The following CBLB variants were observed in gnomAD, a reference collection of about 807,000 sequenced individuals.
The protein encoded by CBLB is E3 ubiquitin-protein ligase CBL-B.
Under a neutral mutation model 104.9 loss-of-function variants are expected in CBLB, and 31 were observed. The observed-to-expected ratio is 0.30, with a 90% confidence interval of 0.22 to 0.40. CBLB has a LOEUF of 0.40. CBLB is among the 10% of genes least tolerant of loss of function. CBLB has a pLI of 1.00. For missense variants in CBLB, 1,062 were observed against 1,214.6 expected, an observed-to-expected ratio of 0.87 and a Z score of 1.87; for synonymous variants, 440 against 422.6, an observed-to-expected ratio of 1.04 and a Z score of -0.51.
chr3:105,803,348 T>C (rs540166473), intron 3 of CBLB, among the ~76,000 whole-genome samples: 12 of 152,338 alleles, frequency 7.9e-5, no homozygotes, highest in South Asian at 2.1e-4. Flanking sequence ...TATCTTTGTA[T>C]GGCGGCTTGC....
intron 3 of CBLB, among the ~76,000 whole-genome samples, chr3:105,824,822 GAGA>G (rs1414082157): frequency 2.0e-5 from 3 of 152,150 alleles, no homozygotes; most frequent in Middle Eastern, 3.4e-3. Context: ...TCCAGCCACT[GAGA>G]AGGAGACCTC....
At chr3:105,821,002 G>A (rs1248085555) in intron 3 of CBLB, among the ~76,000 whole-genome samples, 1 of 152,010 alleles carries the variant, frequency 6.6e-6, no homozygotes, top group Non-Finnish European at 1.5e-5. Flanking sequence ...TTGAAGGTAG[G>A]ATATAAAGTG....
chr3:105,695,808 C>T (rs971490651), intron 12 of CBLB, among the ~76,000 whole-genome samples: 3 of 151,678 alleles, frequency 2.0e-5, no homozygotes, highest in African/African-American at 7.2e-5. Flanking sequence ...AGAATTTAGG[C>T]CACACTGGGC....
At chr3:105,765,085 G>A (rs2078070716) in intron 4 of CBLB, among the ~76,000 whole-genome samples, 1 of 152,184 alleles carries the variant, frequency 6.6e-6, no homozygotes, top group Non-Finnish European at 1.5e-5. Context: ...TGATGTAGAA[G>A]CAACAAGTTA....
At chr3:105,710,965 C>A (rs1238758399) in intron 10 of CBLB, among the ~76,000 whole-genome samples, 1 of 151,944 alleles carries the variant, frequency 6.6e-6, no homozygotes, top group African/African-American at 2.4e-5. Context: ...TCAGCAATTA[C>A]CAATAATAAT....
chr3:105,790,991 G>A (rs113697878), intron 3 of CBLB, among the ~76,000 whole-genome samples: 4 of 152,302 alleles, frequency 2.6e-5, no homozygotes, highest in African/African-American at 7.2e-5. Context: ...AGGGAGAACT[G>A]CATGAGTGGG....
chr3:105,848,261 C>A (rs928633505), intron 3 of CBLB, among the ~76,000 whole-genome samples: 11 of 152,070 alleles, frequency 7.2e-5, no homozygotes, highest in African/African-American at 2.4e-4. Context: ...TCGGGGGAGG[C>A]ATGCAGCCTG....
intron 2 of CBLB, among the ~76,000 whole-genome samples, chr3:105,863,468 G>T (rs10511246): frequency 0.21 from 32,057 of 152,086 alleles, 3,577 homozygotes; most frequent in East Asian, 0.42. Flanking sequence ...CTCTAGGAAT[G>T]TAAGAGTCTC....
chr3:105,666,541 C>T (rs1437547205), intron 18 of CBLB, among the ~76,000 whole-genome samples: 1 of 152,006 alleles, frequency 6.6e-6, no homozygotes, highest in Non-Finnish European at 1.5e-5. Flanking sequence ...CAAAAATTAG[C>T]CGGGCATGAT....
chr3:105,840,232 CAAATT>C (rs2089336474), intron 3 of CBLB, among the ~76,000 whole-genome samples: 1 of 151,956 alleles, frequency 6.6e-6, no homozygotes, highest in Admixed American at 6.5e-5. Flanking sequence ...CCCATCAAGA[CAAATT>C]AAATGCTTAA....
At chr3:105,753,810 T>C (rs2076801411) in intron 4 of CBLB, among the ~76,000 whole-genome samples, 1 of 152,192 alleles carries the variant, frequency 6.6e-6, no homozygotes, top group African/African-American at 2.4e-5. Context: ...TCATAACTCT[T>C]TTGAGCACTC....
At chr3:105,856,829 T>G (rs964878560) in intron 2 of CBLB, among the ~76,000 whole-genome samples, 1 of 152,184 alleles carries the variant, frequency 6.6e-6, no homozygotes, top group Non-Finnish European at 1.5e-5. Context: ...ACCCCCTTTT[T>G]AATACGTGAT....
At position 105,720,067 on chromosome 3, in the gene CBLB, G is replaced by A. The variant is rs779755160; in HGVS notation, c.1387C>T (p.Arg463Trp). 3.0e-5 allele frequency: 49 copies of A among 1,613,738 alleles called. No individual in the cohort carries two copies. The highest frequency in any genetic ancestry group is 3.3e-4 in the Middle Eastern group (2 of 6,058). Residue 463 changes from arginine to tryptophan, a missense_variant, in exon 10 of 19, where the codon CGG becomes TGG. Arg to Trp is a moderately radical substitution (Grantham distance 101). This residue lies in a region of CBLB where 457 missense variants were observed against 632.0 expected (regional missense o/e 0.72). Transcript: ENST00000394030. The part of the protein sequence containing the change: ...DDREESLMMN[R>W]LANVRKCTDR... ...TTTACCTTTCGGACGTTTGCCAACCGATTCATCATCAAGGACTCCTCACGA... is the reference window on the plus strand; with the variant it reads ...TTTACCTTTCGGACGTTTGCCAACCAATTCATCATCAAGGACTCCTCACGA...
At chr3:105,731,111 T>C (rs1205924305) in intron 9 of CBLB, among the ~76,000 whole-genome samples, 1 of 152,206 alleles carries the variant, frequency 6.6e-6, no homozygotes, top group Non-Finnish European at 1.5e-5. Flanking sequence ...CAAGAGGAAC[T>C]ACACCAATTT....
At chr3:105,705,578 G>A (rs1308379778) in intron 10 of CBLB, among the ~76,000 whole-genome samples, 2 of 152,144 alleles carry the variant, frequency 1.3e-5, no homozygotes, top group Admixed American at 1.3e-4. Context: ...TAATTAGCCT[G>A]GGGTTAAAAG....
At chr3:105,660,995 G>T (rs2063742540) in intron 18 of CBLB, among the ~76,000 whole-genome samples, 1 of 146,082 alleles carries the variant, frequency 6.8e-6, no homozygotes, top group African/African-American at 2.5e-5. Flanking sequence ...ATGAGATGAA[G>T]TCTCATTATG....
intron 3 of CBLB, among the ~76,000 whole-genome samples, chr3:105,794,551 T>C (rs2082041791): frequency 6.6e-6 from 1 of 152,208 alleles, no homozygotes; most frequent in African/African-American, 2.4e-5. Flanking sequence ...AAGGTGAAAC[T>C]GCAAACCTAA....
intron 4 of CBLB, among the ~76,000 whole-genome samples, chr3:105,770,399 AT>A (rs922948232): frequency 2.6e-5 from 4 of 152,170 alleles, no homozygotes; most frequent in Non-Finnish European, 5.9e-5. Flanking sequence ...GCTGGAACAG[AT>A]TTAGGGAAAT....
rs556225393 is a variant in CBLB, at chr3:105,769,483, T to C, written c.566+6913A>G. ...GTCAGCAGTTCACTGTAATATATTT[T>C]GACAGATGTGAGCTCAGGTACCTGG... On this transcript the variant is annotated intron_variant, in intron 4 of 18. Coordinates refer to ENST00000394030, the MANE Select transcript of CBLB (RefSeq NM_170662.5). 2.6e-5 allele frequency among the ~76,000 whole-genome samples: 4 copies of C among 152,296 alleles called. No individual in the cohort carries two copies. In the East Asian group the frequency reaches 7.7e-4, roughly 29 times the overall value.
Sources: gnomAD v4.1 joint callset for allele counts (sites outside exome capture counted in the v4.1 genomes callset) on GRCh38, gnomAD v4.1.1 for gene constraint, gnomAD v4.1.1 regional missense constraint, MANE v1.5 for transcripts, NCBI Gene and HGNC (gene_info 2026-07-23, HGNC 2026-07-21) for gene names.